The following SLC38A6 variants were observed in gnomAD, a reference collection of about 807,000 sequenced individuals.
SLC38A6 encodes N system amino acid transporter NAT-1.
Under a neutral mutation model 65.0 loss-of-function variants are expected in SLC38A6, and 73 were observed. That is an observed-to-expected ratio of 1.12 (90% CI 0.93 to 1.37). The LOEUF is 1.37. SLC38A6 is among the 40% of genes most tolerant of loss of function. SLC38A6 has a pLI of 0.00. For synonymous variants in SLC38A6, 183 were observed against 178.8 expected (o/e 1.02, Z -0.19); for missense variants, 561 against 531.1 (o/e 1.06, Z -0.55).
chr14:61,030,112 G>C (rs1251110789), intron 5 of SLC38A6, among the ~76,000 whole-genome samples: 2 of 152,168 alleles, frequency 1.3e-5, no homozygotes, highest in Non-Finnish European at 2.9e-5. Context: ...TAACATATAA[G>C]AGAGTTTTTG....
intron 15 of SLC38A6, among the ~76,000 whole-genome samples, chr14:61,072,242 T>G (rs1398562653): frequency 6.6e-6 from 1 of 152,170 alleles, no homozygotes; most frequent in East Asian, 1.9e-4. Context: ...TTTTTATTTT[T>G]AATCTTTGTG....
In SLC38A6 at chr14:60,982,572, C is replaced by G. The variant is rs779836064; in HGVS notation, c.170C>G (p.Ala57Gly). 2 of 1,613,970 alleles carry G rather than the reference C, an allele frequency of 1.2e-6. No homozygotes were observed. Among genetic ancestry groups the G allele is most frequent in the Non-Finnish European group, 1.7e-6 (2 of 1,179,948 alleles). The change falls in exon 2 of 16, where the codon GCC becomes GGC. Residue 57 changes from alanine to glycine, a missense_variant. Coordinates refer to ENST00000267488, the MANE Select transcript of SLC38A6 (RefSeq NM_153811.3). ...FGLSVFNLMN[A>G]IMGSGILGLA... ...TTATCAGTGTTTAATTTGATGAATG[C>G]CATCATGGGAAGTGGCATCCTTGGC...
chr14:61,006,673 C>G (rs1348688372), intron 3 of SLC38A6, among the ~76,000 whole-genome samples: 1 of 151,464 alleles, frequency 6.6e-6, no homozygotes, highest in Non-Finnish European at 1.5e-5. Flanking sequence ...AGTCAGGAAA[C>G]AACAGGTGCT....
At chr14:61,051,593 A>C (rs1035914274) in intron 13 of SLC38A6, among the ~76,000 whole-genome samples, 194 bp from the exon 14 acceptor site, 1 of 152,160 alleles carries the variant, frequency 6.6e-6, no homozygotes, top group African/African-American at 2.4e-5. Context: ...ATTTTTATGA[A>C]GCTTACACAG....
chr14:61,012,382 C>G (rs949714662), intron 3 of SLC38A6, among the ~76,000 whole-genome samples: 2 of 152,026 alleles, frequency 1.3e-5, no homozygotes, highest in Admixed American at 6.6e-5. Context: ...GTCTCTATTT[C>G]CTTCAGTTCT....
chr14:61,079,247 C>A lies in SLC38A6; in HGVS notation c.1408+320C>A, dbSNP rs187993939. Reference sequence around the variant, plus strand: ...TGCCTCCCGGGTTCAAGCGATTCTCCTGCCTCCACCTCCTGAGTAGCTGGG... The same window carrying A: ...TGCCTCCCGGGTTCAAGCGATTCTCATGCCTCCACCTCCTGAGTAGCTGGG... On this transcript the variant is annotated intron_variant, in intron 16 of 16. Transcript: ENST00000354886. Among the ~76,000 whole-genome samples the A allele has an allele frequency of 2.8e-4, 43 of 150,898 alleles. 1 individual carries two copies. The highest frequency in any genetic ancestry group is 4.6e-4 in the Admixed American group (7 of 15,134).
At chr14:61,048,254 A>C in intron 12 of SLC38A6, 1 of 415,148 alleles carries the variant, frequency 2.4e-6, no homozygotes, top group Non-Finnish European at 4.7e-6. Context: ...ACAGATGAAC[A>C]ACTAAAGCCC....
chr14:61,067,402 C>T (rs2043058113), intron 15 of SLC38A6, among the ~76,000 whole-genome samples: 1 of 152,202 alleles, frequency 6.6e-6, no homozygotes, highest in Non-Finnish European at 1.5e-5. Context: ...GTCTCTGCTT[C>T]AGACATTTAG....
chr14:61,000,843 G>A (rs538612617), intron 3 of SLC38A6, among the ~76,000 whole-genome samples: 4 of 152,232 alleles, frequency 2.6e-5, no homozygotes, highest in Non-Finnish European at 2.9e-5. Flanking sequence ...TACTCTCACC[G>A]ACAATCACAG....
chr14:61,018,966 A>C (rs192781018), intron 4 of SLC38A6, among the ~76,000 whole-genome samples: 1 of 151,906 alleles, frequency 6.6e-6, no homozygotes, highest in Non-Finnish European at 1.5e-5. Context: ...GTTCTTGCCA[A>C]CTCCCATTGT....
At chr14:61,033,634 T>C (rs1310443854) in intron 6 of SLC38A6, among the ~76,000 whole-genome samples, 1 of 152,170 alleles carries the variant, frequency 6.6e-6, no homozygotes, top group Non-Finnish European at 1.5e-5. Flanking sequence ...AGCAGTTTTA[T>C]TTTGTAAGTT....
intron 8 of SLC38A6, among the ~76,000 whole-genome samples, chr14:61,042,661 G>A (rs532810098): frequency 1.3e-5 from 2 of 152,278 alleles, no homozygotes; most frequent in South Asian, 4.1e-4. Flanking sequence ...ATCTGTAAAA[G>A]TAAGGAGGGG....
intron 5 of SLC38A6, among the ~76,000 whole-genome samples, 176 bp from the exon 6 acceptor site, chr14:61,030,263 CTGTGTG>C (rs3080609): frequency 0.072 from 10,688 of 148,428 alleles, 485 homozygotes; most frequent in African/African-American, 0.12. Flanking sequence ...AGTTACTTTT[CTGTGTG>C]TGTGTGTGTG....
chr14:61,015,943 G>A lies in SLC38A6; in HGVS notation c.350G>A (p.Gly117Glu), dbSNP rs749369988. 2.1e-5 allele frequency: 33 copies of A among 1,606,678 alleles called. No homozygotes were observed. The highest frequency in any genetic ancestry group is 2.5e-5 in the Non-Finnish European group (30 of 1,178,158). The change falls in exon 4 of 16, where the codon GGA (glycine) becomes GAA (glutamate). Residue 117 changes from glycine to glutamate, a missense_variant. Coordinates refer to ENST00000267488, the MANE Select transcript of SLC38A6 (RefSeq NM_153811.3). ...SYEDLGLFAF[G>E]LPGKLVVAGT... is the part of the protein sequence containing the mutation. The stretch of plus-strand genomic sequence containing the variant: ...GAAGATCTTGGACTCTTTGCATTTG[G>A]ATTACCTGGAAAGGTAATTTTTTTT...
At chr14:61,017,538 C>T (rs959925537) in intron 4 of SLC38A6, among the ~76,000 whole-genome samples, 15 of 152,268 alleles carry the variant, frequency 9.9e-5, no homozygotes, top group African/African-American at 3.6e-4. Flanking sequence ...TCAGTTTCCT[C>T]CATCTAGTTT....
intron 6 of SLC38A6, among the ~76,000 whole-genome samples, chr14:61,035,358 TCATC>T (rs2041284240): frequency 6.6e-6 from 1 of 152,170 alleles, no homozygotes; most frequent in African/African-American, 2.4e-5. Flanking sequence ...ATTTATATCA[TCATC>T]ATTTTCCATT....
chr14:61,005,383 A>C (rs1489095078), intron 3 of SLC38A6, among the ~76,000 whole-genome samples: 1 of 98,148 alleles, frequency 1.0e-5, no homozygotes, highest in African/African-American at 2.8e-5. Flanking sequence ...GAAAAGAGGA[A>C]GTCAAATTGT....
intron 5 of SLC38A6, among the ~76,000 whole-genome samples, chr14:61,021,258 AT>A (rs1375846437): frequency 6.6e-6 from 1 of 152,206 alleles, no homozygotes. Context: ...TACCTTAAAT[AT>A]TCTAGATATA....
chr14:61,071,131 C>A (rs917656230), intron 15 of SLC38A6, among the ~76,000 whole-genome samples: 5 of 152,176 alleles, frequency 3.3e-5, no homozygotes, highest in African/African-American at 1.2e-4. Context: ...AATATTTTAA[C>A]AGCTGCATAG....
Sources: allele counts gnomAD v4.1 joint callset (sites outside exome capture counted in the v4.1 genomes callset), GRCh38; gene constraint gnomAD v4.1.1; transcripts MANE v1.5; gene names NCBI Gene and HGNC (gene_info 2026-07-23, HGNC 2026-07-21).